Variants in NOX4 observed in about 807,000 individuals in gnomAD.
NOX4 encodes the protein kidney oxidase-1.
NOX4 carries 69 observed loss-of-function variants against 87.6 expected under a neutral mutation model. The observed-to-expected ratio is 0.79, with a 90% CI of 0.65 to 0.96. The LOEUF (loss-of-function observed/expected upper bound fraction) is 0.96. Among genes scored for constraint, NOX4 ranks in the 40% least tolerant of loss-of-function variants. The pLI is 0.00. For synonymous variants in NOX4, 275 were observed against 238.2 expected (o/e 1.15, Z -1.42); for missense variants, 680 against 681.5 (o/e 1.00, Z 0.02).
chr11:89,566,052 T>C, the NOX4 span, among the ~76,000 whole-genome samples: 1 of 150,188 alleles, frequency 6.7e-6, no homozygotes, highest in Non-Finnish European at 1.5e-5. Context: ...TCTTTTTTTT[T>C]TTTTTTTTGA....
At chr11:89,548,241 A>G in the NOX4 span, 6 of 152,244 alleles carry the variant, frequency 3.9e-5, no homozygotes, top group African/African-American at 1.4e-4. Context: ...AGGTAATAAG[A>G]GTTGAGCCCT....
At chr11:89,362,273 C>T (rs1005517968) in intron 12 of NOX4, among the ~76,000 whole-genome samples, 1 of 152,032 alleles carries the variant, frequency 6.6e-6, no homozygotes, top group African/African-American at 2.4e-5. Flanking sequence ...CTACCAAGTT[C>T]TCGGCTACTG....
rs1939404876 is a variant in NOX4, at chr11:89,371,067, T to C, written c.1135+2365A>G. 2.6e-5 allele frequency among the ~76,000 whole-genome samples: 4 copies of C among 152,160 alleles called. No homozygotes were observed. The South Asian group carries it at 8.3e-4, about 32-fold the overall frequency. ...TGGTATTTCCTATACCTACTGCTCT[T>C]AATACCGAGTTTTAATCAATTCTTT... On this transcript the variant is annotated intron_variant, in intron 12 of 17. Transcript: ENST00000263317.
At chr11:89,380,262 A>T (rs1940179816) in intron 11 of NOX4, among the ~76,000 whole-genome samples, 1 of 152,196 alleles carries the variant, frequency 6.6e-6, no homozygotes, top group Non-Finnish European at 1.5e-5. Flanking sequence ...AAAAATAGCC[A>T]GAAAATGTGG....
chr11:89,492,753 C>A (rs1946890644), upstream of NOX4, among the ~76,000 whole-genome samples: 1 of 152,158 alleles, frequency 6.6e-6, no homozygotes, highest in East Asian at 1.9e-4. Flanking sequence ...CCCAAGGGGT[C>A]TCTCCACTGG....
At chr11:89,424,110 T>C (rs1038446546) in intron 7 of NOX4, among the ~76,000 whole-genome samples, 3 of 151,652 alleles carry the variant, frequency 2.0e-5, no homozygotes, top group Admixed American at 6.6e-5. Flanking sequence ...AAGAACTATA[T>C]CTTTATAGTA....
At chr11:89,483,380 T>C (rs550980739) in intron 2 of NOX4, among the ~76,000 whole-genome samples, 2 of 152,094 alleles carry the variant, frequency 1.3e-5, no homozygotes, top group African/African-American at 4.8e-5. Flanking sequence ...AAAGAAAACA[T>C]GGTATGTATA....
At chr11:89,501,334 A>G (rs1283704427), upstream of NOX4, among the ~76,000 whole-genome samples, 1 of 152,070 alleles carries the variant, frequency 6.6e-6, no homozygotes, top group Non-Finnish European at 1.5e-5. Context: ...ATGAACGAGC[A>G]TGATATTAGA....
At chr11:89,343,742 A>T (rs1040884249) in intron 13 of NOX4, among the ~76,000 whole-genome samples, 78 of 152,230 alleles carry the variant, frequency 5.1e-4, no homozygotes, top group African/African-American at 1.8e-3. Flanking sequence ...AGATTGTAGA[A>T]ATTAAAGGCA....
intron 17 of NOX4, among the ~76,000 whole-genome samples, chr11:89,333,462 G>GT (rs141822206): frequency 0.025 from 3,832 of 151,604 alleles, 157 homozygotes; most frequent in African/African-American, 0.089. Flanking sequence ...AAAAGCTTCT[G>GT]TAAGAATACA....
chr11:89,436,795 T>C (rs1326248462), intron 6 of NOX4, among the ~76,000 whole-genome samples: 1 of 152,138 alleles, frequency 6.6e-6, no homozygotes, highest in Non-Finnish European at 1.5e-5. Flanking sequence ...AATTTGGAGA[T>C]ATATAGTAAG....
intron 2 of NOX4, among the ~76,000 whole-genome samples, chr11:89,460,280 G>A (rs191900708): frequency 0.02 from 3,106 of 152,166 alleles, 114 homozygotes; most frequent in African/African-American, 0.07. Context: ...AACACCAAAA[G>A]CAATGGCAAC....
chr11:89,365,117 C>T (rs1938854221), intron 12 of NOX4, among the ~76,000 whole-genome samples: 1 of 151,986 alleles, frequency 6.6e-6, no homozygotes, highest in Admixed American at 6.6e-5. Flanking sequence ...GGTCATATGC[C>T]ATCTGCATGC....
At chr11:89,480,760 T>C (rs1472273278) in intron 2 of NOX4, among the ~76,000 whole-genome samples, 1 of 152,104 alleles carries the variant, frequency 6.6e-6, no homozygotes, top group Non-Finnish European at 1.5e-5. Flanking sequence ...AAGATTGCAA[T>C]GAAAGCTAGC....
At chr11:89,540,087 A>G in the NOX4 span, among the ~76,000 whole-genome samples, 3 of 152,158 alleles carry the variant, frequency 2.0e-5, no homozygotes, top group East Asian at 5.8e-4. Flanking sequence ...TTTGTGAACT[A>G]AAGGAACGTA....
rs1056039138 is a variant in NOX4 at position 89,369,431 on chromosome 11, G to A, written c.1135+4001C>T. On this transcript the variant is annotated intron_variant, in intron 12 of 17. Coordinates refer to ENST00000263317, the MANE Select transcript of NOX4 (RefSeq NM_016931.5). The stretch of plus-strand genomic sequence containing the variant: ...ACCAAAACACAATCTCTATAAGAGC[G>A]GAGACTTTGTCACTTTTGCTCAATG... Among the ~76,000 whole-genome samples the A allele has an allele frequency of 3.3e-5, 5 of 152,038 alleles. No individual in the cohort carries two copies. The South Asian group carries it at 8.3e-4, about 25-fold the overall frequency.
the NOX4 span, among the ~76,000 whole-genome samples, chr11:89,577,997 G>A: frequency 0.016 from 2,365 of 152,036 alleles, 58 homozygotes; most frequent in African/African-American, 0.054. Context: ...GCATGGTGAG[G>A]TTTGGATTTT....
At chr11:89,563,898 T>A in the NOX4 span, among the ~76,000 whole-genome samples, 2 of 152,182 alleles carry the variant, frequency 1.3e-5, no homozygotes, top group African/African-American at 4.8e-5. Context: ...TGCAAATTTG[T>A]AAGTTCAACT....
intron 8 of NOX4, among the ~76,000 whole-genome samples, chr11:89,416,824 C>T (rs1422731584): frequency 6.6e-6 from 1 of 152,118 alleles, no homozygotes; most frequent in East Asian, 1.9e-4. Context: ...ATAAATCATG[C>T]TCTATGATTA....
Sources: allele counts gnomAD v4.1 joint callset (sites outside exome capture counted in the v4.1 genomes callset), GRCh38; gene constraint gnomAD v4.1.1; transcripts MANE v1.5; gene names NCBI Gene and HGNC (gene_info 2026-07-23, HGNC 2026-07-21).